Variants in RADX observed in about 807,000 individuals in gnomAD.
RADX encodes the protein RPA-related protein RADX.
RADX carries 36 observed loss-of-function variants against 61.6 expected under a neutral mutation model. The ratio of observed to expected loss-of-function variants is 0.58; its 90% CI spans 0.45 to 0.77. The LOEUF (loss-of-function observed/expected upper bound fraction) is 0.77. RADX is among the 30% of genes least tolerant of loss of function. The pLI is 0.00. For missense variants in RADX, 497 were observed against 651.1 expected (o/e 0.76, Z 2.58); for synonymous variants, 272 against 237.9 (o/e 1.14, Z -1.32).
intron 11 of RADX, among the ~76,000 whole-genome samples, 163 bp downstream of exon 11, chrX:106,648,549 G>A (rs888057423): frequency 2.7e-5 from 3 of 110,854 alleles, no homozygotes; most frequent in Non-Finnish European, 5.7e-5. Flanking sequence ...TGATCAATTT[G>A]GTATCATCCC....
chrX:106,649,378 G>A (rs985397277), intron 11 of RADX, among the ~76,000 whole-genome samples: 2 of 111,697 alleles, frequency 1.8e-5, no homozygotes, highest in Non-Finnish European at 3.8e-5. Context: ...ATTGTTCCCA[G>A]GTTTTGTGAT....
intron 10 of RADX, among the ~76,000 whole-genome samples, chrX:106,647,521 C>T (rs1927689720): frequency 9.0e-6 from 1 of 110,791 alleles, no homozygotes; most frequent in Admixed American, 9.6e-5. Flanking sequence ...AGGGGGGATG[C>T]TCGATTATAT....
chrX:106,668,366 G>A (rs1186685838), intron 12 of RADX, among the ~76,000 whole-genome samples: 1 of 111,956 alleles, frequency 8.9e-6, no homozygotes, highest in East Asian at 2.8e-4. Context: ...TCACTAAATA[G>A]AATTCATAGT....
chrX:106,642,841 A>G (rs1030442672), intron 10 of RADX, among the ~76,000 whole-genome samples: 1 of 111,488 alleles, frequency 9.0e-6, no homozygotes, highest in Admixed American at 9.5e-5. Flanking sequence ...TGTTCTCCAT[A>G]GTGGTTGTAC....
chrX:106,651,304 A>G (rs748417796), intron 11 of RADX, among the ~76,000 whole-genome samples: 101 of 111,551 alleles, frequency 9.1e-4, no homozygotes, highest in African/African-American at 3.2e-3. Flanking sequence ...AGACAGTGAA[A>G]TATCTTCAAA....
intron 10 of RADX, among the ~76,000 whole-genome samples, chrX:106,642,305 G>C (rs1192550741): frequency 1.8e-5 from 2 of 110,573 alleles, no homozygotes; most frequent in Non-Finnish European, 3.8e-5. Context: ...AGTTATTATG[G>C]ACTATAGTCA....
intron 3 of RADX, among the ~76,000 whole-genome samples, chrX:106,632,320 C>T (rs1312904164): frequency 9.0e-6 from 1 of 111,611 alleles, no homozygotes; most frequent in African/African-American, 3.3e-5. Flanking sequence ...AATATAATTT[C>T]ACTCATATGA....
At chrX:106,672,356 G>A (rs924834559) in intron 13 of RADX, among the ~76,000 whole-genome samples, 3 of 111,436 alleles carry the variant, frequency 2.7e-5, no homozygotes, top group Non-Finnish European at 5.6e-5. Context: ...CTAGAAATTT[G>A]CCTGTTTTTC....
At chrX:106,650,539 T>C (rs1927768098) in intron 11 of RADX, among the ~76,000 whole-genome samples, 1 of 110,219 alleles carries the variant, frequency 9.1e-6, no homozygotes, top group Non-Finnish European at 1.9e-5. Context: ...GAACTAGAAA[T>C]ACTAGGCCAA....
chrX:106,634,448 T>C (rs907804330), intron 6 of RADX, among the ~76,000 whole-genome samples: 6 of 111,536 alleles, frequency 5.4e-5, no homozygotes, highest in Non-Finnish European at 1.1e-4. Context: ...TCTATTATTA[T>C]TACTTTTTTA....
chrX:106,642,160 C>T (rs766079130), intron 10 of RADX, among the ~76,000 whole-genome samples: 23 of 110,511 alleles, frequency 2.1e-4, no homozygotes, highest in Non-Finnish European at 4.2e-4. Context: ...TATGGGGGTA[C>T]ATGAGATGTT....
chrX:106,662,329 T>C, intron 12 of RADX, 24 bp downstream of exon 12: 1 of 1,135,600 alleles, frequency 8.8e-7, no homozygotes, highest in Non-Finnish European at 1.2e-6. Context: ...TCTTTTTGCA[T>C]ATCATTAATT....
In RADX at chrX:106,611,996, G is replaced by A. The variant is rs1926685183; in HGVS notation, c.-85G>A. 4.8e-6 allele frequency: 5 copies of A among 1,047,821 alleles called. No individual in the cohort carries two copies. The highest frequency in any genetic ancestry group is 5.7e-5 in the Admixed American group (2 of 35,373). 86.4% of individuals were successfully genotyped at this position (1,047,821 alleles called of 1,213,427 possible). A position where few individuals can be genotyped will look rare whatever the true frequency, so the allele number is the denominator to read the frequency against. On this transcript the variant is annotated 5_prime_UTR_variant, in exon 1 of 14. Coordinates refer to ENST00000372548, the MANE Select transcript of RADX (RefSeq NM_018015.6). ...CAGCAGGGGCAGAGTAGCGATCGTC[G>A]CCAAAGCGCGCGGTTTTATTTCTCT...
intron 11 of RADX, among the ~76,000 whole-genome samples, chrX:106,657,608 C>T (rs751192704): frequency 4.8e-4 from 54 of 111,665 alleles, no homozygotes; most frequent in Non-Finnish European, 8.1e-4. Context: ...CACTTGAACA[C>T]TTAGAAAACA....
rs751208993 is a variant in RADX at position 106,659,347 on chromosome X, G to T, written c.1979-2668G>T. On this transcript the variant is annotated intron_variant, in intron 11 of 13. Coordinates refer to ENST00000372548, the MANE Select transcript of RADX (RefSeq NM_018015.6). ...TAAAAAAAAAATTCACGATGCCTACGTACATACGTTTGAACTGCATTCTTT... is the reference window on the plus strand; with the variant it reads ...TAAAAAAAAAATTCACGATGCCTACTTACATACGTTTGAACTGCATTCTTT... Among the ~76,000 whole-genome samples, 7 of 111,510 alleles carry T rather than the reference G, an allele frequency of 6.3e-5. No homozygotes were observed. In the East Asian group the frequency reaches 1.7e-3, roughly 27 times the overall value.
At chrX:106,644,474 T>C (rs1927608042) in intron 10 of RADX, among the ~76,000 whole-genome samples, 1 of 111,400 alleles carries the variant, frequency 9.0e-6, no homozygotes, top group African/African-American at 3.3e-5. Context: ...AGGGTTTTTA[T>C]CATGAAGGGA....
intron 13 of RADX, among the ~76,000 whole-genome samples, chrX:106,672,854 T>C (rs1158189896): frequency 9.0e-6 from 1 of 111,634 alleles, no homozygotes; most frequent in Non-Finnish European, 1.9e-5. Flanking sequence ...ACACAGTCCC[T>C]CCCCCTCTTT....
intron 6 of RADX, among the ~76,000 whole-genome samples, chrX:106,635,947 A>G (rs1029242305): frequency 8.9e-6 from 1 of 112,294 alleles, no homozygotes; most frequent in East Asian, 2.8e-4. Flanking sequence ...GTGAAAAGAA[A>G]ATAAACAGAT....
intron 11 of RADX, among the ~76,000 whole-genome samples, chrX:106,659,384 C>T (rs760902188): frequency 4.5e-5 from 5 of 111,744 alleles, no homozygotes; most frequent in African/African-American, 6.5e-5. Context: ...TTTAACCTTA[C>T]GACCTAAATG....
Sources: allele counts gnomAD v4.1 joint callset (sites outside exome capture counted in the v4.1 genomes callset), GRCh38; gene constraint gnomAD v4.1.1; transcripts MANE v1.5; gene names NCBI Gene and HGNC (gene_info 2026-07-23, HGNC 2026-07-21).